CNTN5: variants seen among roughly 807,000 people sequenced by gnomAD.
CNTN5 encodes the protein contactin-5.
Under a neutral mutation model 129.1 loss-of-function variants are expected in CNTN5, and 77 were observed. That is an observed-to-expected ratio of 0.60 (90% CI 0.50 to 0.72). The LOEUF is 0.72. Ranked by LOEUF, CNTN5 falls within the 30% of genes least tolerant of loss-of-function variation. The pLI, the probability that CNTN5 is intolerant of heterozygous loss-of-function variation, is 0.00. For missense variants in CNTN5, 1,478 were observed against 1,328.8 expected, an observed-to-expected ratio of 1.11 and a Z score of -1.75; for synonymous variants, 509 against 465.6, an observed-to-expected ratio of 1.09 and a Z score of -1.20.
rs1359312679 is a variant in CNTN5, at chr11:100,204,370, C to T, written c.1884+10707C>T. Among the ~76,000 whole-genome samples, 4 of 101,932 alleles carry T rather than the reference C, an allele frequency of 3.9e-5. No homozygotes were observed. In the Admixed American group the frequency reaches 4.7e-4, roughly 12 times the overall value. 66.9% of individuals were successfully genotyped at this position (101,932 alleles called of 152,430 possible). A position where few individuals can be genotyped will look rare whatever the true frequency, so the allele number is the denominator to read the frequency against. Reference sequence around the variant, plus strand: ...ATTATAGGCAGACAGATAGATATATCGCTCTCTATATAGATATCTATATAT... The same window carrying T: ...ATTATAGGCAGACAGATAGATATATTGCTCTCTATATAGATATCTATATAT... On this transcript the variant is annotated intron_variant, in intron 15 of 24. Transcript: ENST00000524871.
intron 2 of CNTN5, among the ~76,000 whole-genome samples, chr11:99,373,711 CAAAA>C (rs57363059): frequency 9.4e-5 from 9 of 95,994 alleles, no homozygotes; most frequent in African/African-American, 1.3e-4. Flanking sequence ...AACTCCGTCT[CAAAA>C]AAAAAAAAAA....
intron 2 of CNTN5, among the ~76,000 whole-genome samples, chr11:99,522,323 A>C (rs1226394146): frequency 1.3e-5 from 2 of 152,184 alleles, no homozygotes; most frequent in African/African-American, 4.8e-5. Context: ...TTACCAAATT[A>C]CTGAATTTTC....
At chr11:99,221,775 C>T (rs955363215) in intron 1 of CNTN5, among the ~76,000 whole-genome samples, 1 of 151,810 alleles carries the variant, frequency 6.6e-6, no homozygotes, top group Non-Finnish European at 1.5e-5. Context: ...CATATACAAA[C>T]ACTTCGTAAA....
chr11:99,607,884 G>A lies in CNTN5; in HGVS notation c.55+51615G>A, dbSNP rs1442164370. On this transcript the variant is annotated intron_variant, in intron 3 of 24. Coordinates refer to ENST00000524871, the MANE Select transcript of CNTN5 (RefSeq NM_014361.4). ...CAAACACCGCATATTCTCACTCATA[G>A]GTGGGAATTGAACAATGAGATCACA... Among the ~76,000 whole-genome samples, 9 of 126,602 alleles carry A rather than the reference G, an allele frequency of 7.1e-5. No individual in the cohort carries two copies. The East Asian group carries it at 1.6e-3, about 23-fold the overall frequency. The allele number at this position is 126,602 out of a possible 152,430, so 83.1% of individuals were successfully genotyped here.
intron 3 of CNTN5, among the ~76,000 whole-genome samples, chr11:99,598,387 TGTCTC>T (rs1950208232): frequency 8.4e-6 from 1 of 119,666 alleles, no homozygotes. Context: ...TCTCTCTCTC[TGTCTC>T]CTTCCTTCCC....
chr11:99,331,743 G>T (rs537053123), intron 2 of CNTN5, among the ~76,000 whole-genome samples: 1 of 152,230 alleles, frequency 6.6e-6, no homozygotes, highest in East Asian at 1.9e-4. Context: ...CACATTCAGT[G>T]TCTGACTTTC....
intron 1 of CNTN5, among the ~76,000 whole-genome samples, chr11:99,130,724 C>T (rs1261405479): frequency 6.6e-6 from 1 of 152,072 alleles, no homozygotes; most frequent in East Asian, 1.9e-4. Flanking sequence ...AAACACTCCT[C>T]ACCAAATGCA....
chr11:100,226,811 G>A (rs1949385004), intron 16 of CNTN5, among the ~76,000 whole-genome samples: 1 of 152,072 alleles, frequency 6.6e-6, no homozygotes, highest in Non-Finnish European at 1.5e-5. Flanking sequence ...AAGCTTTGAT[G>A]TTTGAATATT....
chr11:99,449,689 C>G (rs1321483568), intron 2 of CNTN5, among the ~76,000 whole-genome samples: 3 of 152,154 alleles, frequency 2.0e-5, no homozygotes, highest in Non-Finnish European at 4.4e-5. Context: ...ACTGGTTCAA[C>G]TTGGACAGCT....
chr11:99,905,483 T>C (rs1949475129), intron 6 of CNTN5, among the ~76,000 whole-genome samples: 1 of 152,204 alleles, frequency 6.6e-6, no homozygotes, highest in South Asian at 2.1e-4. Flanking sequence ...GCCTCTGTTG[T>C]GTTCCACTGG....
At chr11:99,365,545 C>A (rs543228925) in intron 2 of CNTN5, among the ~76,000 whole-genome samples, 4 of 152,082 alleles carry the variant, frequency 2.6e-5, no homozygotes, top group African/African-American at 9.7e-5. Flanking sequence ...AATGATCTGG[C>A]CAATTCATTT....
At chr11:99,592,376 G>A (rs1409857594) in intron 3 of CNTN5, among the ~76,000 whole-genome samples, 1 of 152,202 alleles carries the variant, frequency 6.6e-6, no homozygotes, top group Admixed American at 6.5e-5. Flanking sequence ...TGCCAGCAAA[G>A]TAGAAAGCAA....
intron 3 of CNTN5, among the ~76,000 whole-genome samples, chr11:99,679,727 C>A (rs964767328): frequency 2.6e-5 from 4 of 152,204 alleles, no homozygotes; most frequent in African/African-American, 9.6e-5. Flanking sequence ...GAAACAGTTA[C>A]ACTTCTCTCA....
At chr11:99,633,010 C>T (rs939413283) in intron 3 of CNTN5, among the ~76,000 whole-genome samples, 2 of 152,066 alleles carry the variant, frequency 1.3e-5, no homozygotes, top group Non-Finnish European at 2.9e-5. Flanking sequence ...GATACACCCT[C>T]TCCCTAAGTT....
chr11:99,099,045 T>C (rs945442337), intron 1 of CNTN5, among the ~76,000 whole-genome samples: 1 of 152,268 alleles, frequency 6.6e-6, no homozygotes. Flanking sequence ...TTAGAACAGA[T>C]GGACTACAAA....
intron 1 of CNTN5, among the ~76,000 whole-genome samples, chr11:99,178,193 A>T (rs1050221718): frequency 1.3e-5 from 2 of 151,792 alleles, no homozygotes; most frequent in African/African-American, 4.8e-5. Flanking sequence ...AAAACTAGCA[A>T]CTCTAGGCTG....
intron 1 of CNTN5, among the ~76,000 whole-genome samples, chr11:99,184,181 T>C (rs137914482): frequency 3.9e-5 from 6 of 152,178 alleles, no homozygotes; most frequent in African/African-American, 1.2e-4. Context: ...CTTAGAAAAA[T>C]TCAAGATAAA....
intron 8 of CNTN5, among the ~76,000 whole-genome samples, chr11:99,966,352 C>G (rs1392643614): frequency 6.6e-6 from 1 of 152,030 alleles, no homozygotes; most frequent in East Asian, 1.9e-4. Context: ...CAAATTTATC[C>G]CCAGAGAGCA....
chr11:100,295,523 A>T (rs1163616861), intron 18 of CNTN5, among the ~76,000 whole-genome samples: 1 of 151,484 alleles, frequency 6.6e-6, no homozygotes, highest in Admixed American at 6.6e-5. Flanking sequence ...TAAAAGTATC[A>T]ATGGATGTGA....
Sources: allele counts gnomAD v4.1 joint callset (sites outside exome capture counted in the v4.1 genomes callset), GRCh38; gene constraint gnomAD v4.1.1; transcripts MANE v1.5; gene names NCBI Gene and HGNC (gene_info 2026-07-23, HGNC 2026-07-21).